ADGRV1: variants seen among roughly 807,000 people sequenced by gnomAD.
ADGRV1 encodes the protein adhesion G protein-coupled receptor V1, also known as G-protein coupled receptor 98.
A neutral mutation model predicts 596.2 loss-of-function variants in ADGRV1; 359 were observed. The ratio of observed to expected loss-of-function variants is 0.60; its 90% confidence interval spans 0.55 to 0.66. The LOEUF (loss-of-function observed/expected upper bound fraction) is 0.66. ADGRV1 is among the 30% of genes least tolerant of loss of function. ADGRV1 has a pLI of 0.00. For synonymous variants in ADGRV1, 2,681 were observed against 2,679.2 expected (o/e 1.00, Z -0.02); for missense variants, 7,274 against 7,575.6 (o/e 0.96, Z 1.48).
intron 1 of ADGRV1, among the ~76,000 whole-genome samples, chr5:90,578,451 A>G (rs1029069868): frequency 6.6e-6 from 1 of 152,218 alleles, no homozygotes; most frequent in Non-Finnish European, 1.5e-5. Context: ...CTTGCATCCC[A>G]GGGATGAAGC....
chr5:91,034,075 C>T (rs1485704118), intron 85 of ADGRV1, among the ~76,000 whole-genome samples: 5 of 151,932 alleles, frequency 3.3e-5, no homozygotes, highest in East Asian at 1.9e-4. Flanking sequence ...TGTGATAACC[C>T]GATTTTTTCT....
intron 87 of ADGRV1, among the ~76,000 whole-genome samples, chr5:91,130,006 C>G (rs1223890402): frequency 6.6e-6 from 1 of 152,080 alleles, no homozygotes; most frequent in Non-Finnish European, 1.5e-5. Flanking sequence ...CTGTGTACTT[C>G]TCATAACCCT....
chr5:91,086,173 T>A (rs1296953472), intron 86 of ADGRV1, among the ~76,000 whole-genome samples: 2 of 152,206 alleles, frequency 1.3e-5, no homozygotes, highest in African/African-American at 4.8e-5. Flanking sequence ...GTATATGTAT[T>A]TTCCAGGGAT....
At chr5:90,631,952 A>C (rs1361782604) in intron 9 of ADGRV1, among the ~76,000 whole-genome samples, 2 of 152,168 alleles carry the variant, frequency 1.3e-5, no homozygotes, top group African/African-American at 4.8e-5. Flanking sequence ...GGAAGTGCAT[A>C]TTGATTTTAC....
intron 85 of ADGRV1, among the ~76,000 whole-genome samples, chr5:91,047,070 A>G (rs1397229278): frequency 2.0e-5 from 3 of 152,160 alleles, no homozygotes; most frequent in African/African-American, 7.2e-5. Flanking sequence ...ACTGGTGGGA[A>G]TGTAAACTAG....
At chr5:90,621,668 A>G (rs961712462) in intron 4 of ADGRV1, among the ~76,000 whole-genome samples, 6 of 152,066 alleles carry the variant, frequency 3.9e-5, no homozygotes, top group Non-Finnish European at 1.5e-5. Flanking sequence ...AGTTTCTGTC[A>G]TGGGTCCTAG....
chr5:90,627,002 C>A (rs1043197126), intron 6 of ADGRV1, among the ~76,000 whole-genome samples: 1 of 152,132 alleles, frequency 6.6e-6, no homozygotes, highest in Non-Finnish European at 1.5e-5. Context: ...TGCTTCCTTA[C>A]GTTTTCTTTT....
chr5:90,614,831 T>A lies in ADGRV1; in HGVS notation c.23-4T>A, dbSNP rs1763161585. The A allele has an allele frequency of 6.2e-7, 1 of 1,600,742 alleles. No individual in the cohort carries two copies. The highest frequency in any genetic ancestry group is 8.5e-7 in the Non-Finnish European group (1 of 1,169,758). On this transcript the variant is annotated splice_region_variant and splice_polypyrimidine_tract_variant and intron_variant, in intron 1 of 89. Transcript: ENST00000405460. The stretch of plus-strand genomic sequence containing the variant: ...TGAATAATATTTTTTTCTTTTTGTT[T>A]TAGGGATGCCCTCTGCATCTTTATT...
intron 83 of ADGRV1, among the ~76,000 whole-genome samples, chr5:90,937,001 G>A (rs892131248): frequency 1.3e-5 from 2 of 151,944 alleles, no homozygotes; most frequent in Admixed American, 6.6e-5. Context: ...TCATTTCATT[G>A]TTTCTTACCA....
At chr5:91,012,578 T>C (rs561897592) in intron 85 of ADGRV1, among the ~76,000 whole-genome samples, 38 of 152,044 alleles carry the variant, frequency 2.5e-4, no homozygotes, top group Admixed American at 1.3e-3. Flanking sequence ...TCCCATTACT[T>C]TCTTTATTTC....
intron 83 of ADGRV1, among the ~76,000 whole-genome samples, chr5:90,912,350 C>T (rs1772961439): frequency 1.3e-5 from 2 of 152,104 alleles, no homozygotes; most frequent in Admixed American, 6.5e-5. Context: ...TTCTCCTGAC[C>T]TTCTGCCAGC....
chr5:90,725,008 T>TTA lies in ADGRV1; in HGVS notation c.9906+22_9906+23dup. On this transcript the variant is annotated intron_variant, in intron 46 of 89. Coordinates refer to ENST00000405460, the MANE Select transcript of ADGRV1 (RefSeq NM_032119.4). ...AGTTGAGGTAAACATCAGTATTTTTTTATAGTACAAAAATAAAATGTGCAG... is the reference window on the plus strand; with the variant it reads ...AGTTGAGGTAAACATCAGTATTTTTTTATATAGTACAAAAATAAAATGTGCAG... The TTA allele has an allele frequency of 6.4e-7, 1 of 1,570,510 alleles. No homozygotes were observed. The highest frequency in any genetic ancestry group is 8.6e-7 in the Non-Finnish European group (1 of 1,159,582).
Position 90,672,528 on chromosome 5 carries a change from A to C in ADGRV1, c.4753-18A>C, listed in dbSNP as rs1343771163. The C allele has an allele frequency of 6.2e-7, 1 of 1,604,864 alleles. No individual in the cohort carries two copies. The highest frequency in any genetic ancestry group is 8.5e-7 in the Non-Finnish European group (1 of 1,172,784). On this transcript the variant is annotated intron_variant, in intron 21 of 89. Coordinates refer to ENST00000405460, the MANE Select transcript of ADGRV1 (RefSeq NM_032119.4). ...TTGAATTGCTATGCACCTATTAATA[A>C]TTTACATTCAATTTCAGATTGCAGA...
intron 83 of ADGRV1, among the ~76,000 whole-genome samples, chr5:90,960,656 C>T (rs1343005855): frequency 6.6e-6 from 1 of 151,988 alleles, no homozygotes; most frequent in Admixed American, 6.6e-5. Context: ...TAGGAATCTG[C>T]CGTGATCAGA....
intron 1 of ADGRV1, among the ~76,000 whole-genome samples, chr5:90,559,822 A>G (rs899187053): frequency 2.6e-4 from 39 of 152,158 alleles, no homozygotes; most frequent in African/African-American, 7.5e-4. Context: ...TTAAATTACT[A>G]AAGTGTTTTT....
intron 1 of ADGRV1, among the ~76,000 whole-genome samples, chr5:90,584,213 C>T (rs1226449616): frequency 1.3e-5 from 2 of 152,256 alleles, no homozygotes; most frequent in Admixed American, 1.3e-4. Flanking sequence ...CTGCTATTAG[C>T]TAATACTGTG....
chr5:90,840,704 A>G lies in ADGRV1; in HGVS notation c.16738A>G (p.Ile5580Val), dbSNP rs1199443474. ...PGQRSTVLDV[I>V]LTPETGSLNS... ...CCAGAGAAGCACTGTATTGGATGTCATCCTAACGCCAGAGACAGGATCTTT... is the reference window on the plus strand; with the variant it reads ...CCAGAGAAGCACTGTATTGGATGTCGTCCTAACGCCAGAGACAGGATCTTT... The change falls in exon 78 of 90, where the codon ATC (isoleucine) becomes GTC (valine). Residue 5580 changes from isoleucine (I) to valine (V), a missense_variant. This residue lies in a region of ADGRV1 where 1,874 missense variants were observed against 1,970.2 expected (regional missense o/e 0.95). Transcript: ENST00000405460. The G allele has an allele frequency of 6.2e-7, 1 of 1,613,804 alleles. No individual in the cohort carries two copies.
At chr5:90,976,322 G>GTGTATATATATATATATA (rs1420288881) in intron 84 of ADGRV1, among the ~76,000 whole-genome samples, 3 of 108,636 alleles carry the variant, frequency 2.8e-5, no homozygotes, top group African/African-American at 1.1e-4. Context: ...GTGTGTGTGT[G>GTGTATATATATATATATA]TATATATATA....
intron 53 of ADGRV1, among the ~76,000 whole-genome samples, chr5:90,750,972 T>C (rs1755186126): frequency 6.6e-6 from 1 of 152,190 alleles, no homozygotes; most frequent in South Asian, 2.1e-4. Context: ...GTGCATTACA[T>C]TGTTAGAAAG....
Sources: gnomAD v4.1 joint callset for allele counts (sites outside exome capture counted in the v4.1 genomes callset) on GRCh38, gnomAD v4.1.1 for gene constraint, gnomAD v4.1.1 regional missense constraint, MANE v1.5 for transcripts, NCBI Gene and HGNC (gene_info 2026-07-23, HGNC 2026-07-21) for gene names.